SPRY3: variants seen among roughly 807,000 people sequenced by gnomAD.
The protein encoded by SPRY3 is protein sprouty homolog 3.
SPRY3 carries 15 observed loss-of-function variants against 20.2 expected under a neutral mutation model. The ratio of observed to expected loss-of-function variants is 0.74; its 90% CI spans 0.50 to 1.14. SPRY3 has a LOEUF of 1.14. Ranked by LOEUF, SPRY3 falls within the 50% of genes most tolerant of loss-of-function variation. The pLI is 0.00. For synonymous variants in SPRY3, 143 were observed against 136.5 expected (o/e 1.05, Z -0.33); for missense variants, 364 against 363.9 (o/e 1.00, Z 0.00).
chrX:155,745,813 G>A (rs1393848303), intron 2 of SPRY3, among the ~76,000 whole-genome samples: 1 of 152,026 alleles, frequency 6.6e-6, no homozygotes, highest in African/African-American at 2.4e-5. Flanking sequence ...ATTTTCATGA[G>A]CAAACCTAGT....
intron 1 of SPRY3, among the ~76,000 whole-genome samples, chrX:155,648,067 T>G (rs782639685): frequency 8.9e-6 from 1 of 112,331 alleles, no homozygotes; most frequent in Non-Finnish European, 1.9e-5. Context: ...GATGATGAGC[T>G]TTTTTTATAT....
chrX:155,647,756 G>T (rs1383162223), intron 1 of SPRY3, among the ~76,000 whole-genome samples: 1 of 111,902 alleles, frequency 8.9e-6, no homozygotes, highest in Non-Finnish European at 1.9e-5. Context: ...GAATAGCGCT[G>T]CATTAAACAT....
intron 1 of SPRY3, among the ~76,000 whole-genome samples, chrX:155,651,327 G>A (rs5983756): frequency 1.4e-3 from 151 of 111,577 alleles, no homozygotes; most frequent in African/African-American, 4.8e-3. Context: ...CCAAAGTGCT[G>A]GGATTACAGG....
At chrX:155,774,816 G>A in exon 4 of SPRY3, 1 of 1,493,792 alleles carries the variant, frequency 6.7e-7, no homozygotes, top group Non-Finnish European at 9.0e-7. Context: ...TTTGGAGAGG[G>A]GGAGGAGTGA....
chrX:155,614,112 G>A (rs1476794816), intron 1 of SPRY3, among the ~76,000 whole-genome samples: 1 of 111,996 alleles, frequency 8.9e-6, no homozygotes, highest in Non-Finnish European at 1.9e-5. Flanking sequence ...TAGTCTGGCT[G>A]GTATTCATTC....
chrX:155,765,703 A>G (rs2091323806), intron 2 of SPRY3, among the ~76,000 whole-genome samples: 1 of 152,232 alleles, frequency 6.6e-6, no homozygotes, highest in Admixed American at 6.5e-5. Context: ...ATATAGGCCC[A>G]CAGAGTAAAG....
chrX:155,675,445 A>G (rs1452742432), intron 2 of SPRY3, among the ~76,000 whole-genome samples: 6 of 111,376 alleles, frequency 5.4e-5, no homozygotes, highest in African/African-American at 1.3e-4. Flanking sequence ...TGGCCAGCAC[A>G]TAGCTTAAAG....
rs774435204 is a variant in SPRY3 at position 155,680,145 on chromosome X, G to GGTGTGTGTGTGTGTGT, written c.-282+23151_-282+23166dup. Among the ~76,000 whole-genome samples the GGTGTGTGTGTGTGTGT allele has an allele frequency of 5.4e-3, 383 of 70,335 alleles. 4 individuals carry two copies. The highest frequency in any genetic ancestry group is 0.011 in the Admixed American group (68 of 5,942). 61.1% of individuals were successfully genotyped at this position (70,335 alleles called of 115,157 possible). ...GAAAGATAAGATTTTAAGCAATGCT[G>GGTGTGTGTGTGTGTGT]GTGTGTGTGTGTGTGTGTGTGTGTG... is the stretch of plus-strand genomic sequence containing the variant. On this transcript the variant is annotated intron_variant, in intron 2 of 3. Transcript: ENST00000675360.
downstream of SPRY3, chrX:155,777,270 A>G (rs2091433048): frequency 6.0e-6 from 1 of 166,788 alleles, no homozygotes; most frequent in Non-Finnish European, 1.5e-5. Flanking sequence ...AAATTATTCT[A>G]TGGATGTTTG....
chrX:155,763,021 C>T (rs1441921482), intron 2 of SPRY3, among the ~76,000 whole-genome samples: 1 of 152,100 alleles, frequency 6.6e-6, no homozygotes, highest in Non-Finnish European at 1.5e-5. Context: ...CCATGGAATA[C>T]TATGCAGCCA....
At chrX:155,652,317 A>G (rs2067979719) in intron 1 of SPRY3, among the ~76,000 whole-genome samples, 1 of 111,589 alleles carries the variant, frequency 9.0e-6, no homozygotes, top group Admixed American at 9.5e-5. Context: ...CTGTTGTGCT[A>G]TCAAATACTA....
intron 1 of SPRY3, among the ~76,000 whole-genome samples, chrX:155,645,255 C>G (rs1389502183): frequency 1.8e-5 from 2 of 111,968 alleles, no homozygotes; most frequent in African/African-American, 6.5e-5. Context: ...TGAAAGGGGT[C>G]TCCTCTGGAG....
chrX:155,738,161 C>A (rs1421255544), intron 2 of SPRY3, among the ~76,000 whole-genome samples: 1 of 151,006 alleles, frequency 6.6e-6, no homozygotes, highest in African/African-American at 2.4e-5. Context: ...ACCAAAAGCA[C>A]AAATCTTTAA....
chrX:155,622,826 G>A (rs2067875780), intron 1 of SPRY3, among the ~76,000 whole-genome samples: 2 of 111,758 alleles, frequency 1.8e-5, no homozygotes, highest in African/African-American at 6.5e-5. Context: ...GACCCAAGTG[G>A]GACCATAAAG....
At chrX:155,646,830 G>A (rs2067959343) in intron 1 of SPRY3, among the ~76,000 whole-genome samples, 1 of 110,899 alleles carries the variant, frequency 9.0e-6, no homozygotes, top group African/African-American at 3.3e-5. Context: ...CCACTATTTT[G>A]GATACAAGTG....
At chrX:155,718,318 G>A (rs890036063) in intron 2 of SPRY3, among the ~76,000 whole-genome samples, 1 of 152,100 alleles carries the variant, frequency 6.6e-6, no homozygotes, top group Non-Finnish European at 1.5e-5. Context: ...AAAAAAGATT[G>A]TGTTCAGAAA....
intron 2 of SPRY3, among the ~76,000 whole-genome samples, chrX:155,722,244 C>A (rs2091064345): frequency 6.6e-6 from 1 of 152,070 alleles, no homozygotes; most frequent in Non-Finnish European, 1.5e-5. Flanking sequence ...AAAGCATGGC[C>A]AGGCACAGTG....
intron 2 of SPRY3, among the ~76,000 whole-genome samples, chrX:155,669,185 C>G (rs2068033032): frequency 9.0e-6 from 1 of 111,398 alleles, no homozygotes; most frequent in Admixed American, 9.6e-5. Flanking sequence ...AATTATAATA[C>G]TATACCACAT....
intron 2 of SPRY3, among the ~76,000 whole-genome samples, chrX:155,742,800 G>A (rs2091209505): frequency 6.6e-6 from 1 of 152,120 alleles, no homozygotes; most frequent in Non-Finnish European, 1.5e-5. Context: ...GAACAAAGAG[G>A]CAATGTGCCA....
Sources: gnomAD v4.1 joint callset for allele counts (sites outside exome capture counted in the v4.1 genomes callset) on GRCh38, gnomAD v4.1.1 for gene constraint, MANE v1.5 for transcripts, NCBI Gene and HGNC (gene_info 2026-07-23, HGNC 2026-07-21) for gene names.